Variants in RADIL observed in about 807,000 individuals in gnomAD.
RADIL encodes Rap associating with DIL domain, also known as ras-associating and dilute domain-containing protein.
RADIL carries 99 observed loss-of-function variants against 97.6 expected under a neutral mutation model. That is an observed-to-expected ratio of 1.01 (90% CI 0.86 to 1.20). The LOEUF is 1.20. Ranked by LOEUF, RADIL falls within the 50% of genes most tolerant of loss-of-function variation. The pLI, the probability that RADIL is intolerant of heterozygous loss-of-function variation, is 0.00. For synonymous variants in RADIL, 803 were observed against 691.8 expected, an observed-to-expected ratio of 1.16 and a Z score of -2.52; for missense variants, 1,765 against 1,498.9, an observed-to-expected ratio of 1.18 and a Z score of -2.93.
intron 2 of RADIL, among the ~76,000 whole-genome samples, chr7:4,846,117 A>G (rs572417317): frequency 3.2e-4 from 42 of 132,268 alleles, no homozygotes; most frequent in African/African-American, 9.1e-4. Flanking sequence ...CCAGAGCTAC[A>G]ATCTTCTTTT....
At chr7:4,828,753 C>T (rs1783063250) in intron 5 of RADIL, among the ~76,000 whole-genome samples, 1 of 152,142 alleles carries the variant, frequency 6.6e-6, no homozygotes. Context: ...AAGGAAAAGC[C>T]CCCCAGGCAT....
chr7:4,806,245 G>C (rs980062386), intron 9 of RADIL, among the ~76,000 whole-genome samples: 1 of 152,182 alleles, frequency 6.6e-6, no homozygotes, highest in Non-Finnish European at 1.5e-5. Flanking sequence ...GACCTCCCAG[G>C]ATCAAGCGAT....
intron 5 of RADIL, among the ~76,000 whole-genome samples, chr7:4,827,948 T>C (rs982111481): frequency 2.0e-5 from 3 of 150,702 alleles, no homozygotes; most frequent in Admixed American, 1.3e-4. Context: ...TACCGATAAA[T>C]TCAGATGGGA....
At chr7:4,810,189 G>T (rs528529416) in intron 9 of RADIL, among the ~76,000 whole-genome samples, 86 of 147,180 alleles carry the variant, frequency 5.8e-4, no homozygotes, top group Non-Finnish European at 8.2e-4. Context: ...TTTATGACAG[G>T]GTCTTACTCT....
In RADIL at chr7:4,817,767, C is replaced by T. The variant is rs1250175632; in HGVS notation, c.1616-416G>A. Among the ~76,000 whole-genome samples, 1 of 152,230 alleles carries T rather than the reference C, an allele frequency of 6.6e-6. No individual in the cohort carries two copies. Among genetic ancestry groups the T allele is most frequent in the Non-Finnish European group, 1.5e-5 (1 of 68,036 alleles). On this transcript the variant is annotated intron_variant, in intron 6 of 14. Transcript: ENST00000399583. The surrounding 1 kb of genome is among the most constrained non-coding windows in gnomAD (Gnocchi z 8.3). ...TCTGGCAGCAGCCCCTGAGTGGCCG[C>T]CACTCTGTGGAATCATAAGTCTTTT...
chr7:4,839,034 G>A (rs940032176), intron 2 of RADIL, among the ~76,000 whole-genome samples: 4 of 152,216 alleles, frequency 2.6e-5, no homozygotes, highest in Admixed American at 2.0e-4. Flanking sequence ...ACAGGGAGCC[G>A]CCATGCACGG....
chr7:4,835,847 C>A lies in RADIL; in HGVS notation c.783+511G>T, dbSNP rs1357650562. Among the ~76,000 whole-genome samples the A allele has an allele frequency of 3.9e-5, 6 of 152,358 alleles. No individual in the cohort carries two copies. The East Asian group carries it at 9.6e-4, about 24-fold the overall frequency. The stretch of plus-strand genomic sequence containing the variant: ...CAAGGTGAGGCGAGGTGGCCCTGCG[C>A]CTGGCATTTGCTCGGGGCGACAGCC... On this transcript the variant is annotated intron_variant, in intron 3 of 14. Coordinates refer to ENST00000399583, the MANE Select transcript of RADIL (RefSeq NM_018059.5). This position sits in a 1 kb window ranked among gnomAD's most constrained non-coding sequence, Gnocchi z 5.8.
chr7:4,812,198 C>T lies in RADIL; in HGVS notation c.2139+3080G>A, dbSNP rs751012591. The stretch of plus-strand genomic sequence containing the variant: ...ACCTGGCCTTTCAGTTTCTCTAAAG[C>T]ATGCAGGACCATTCAGATTTTTAAC... On this transcript the variant is annotated intron_variant, in intron 9 of 14. Transcript: ENST00000399583. Among the ~76,000 whole-genome samples, 207 of 152,250 alleles carry T rather than the reference C, an allele frequency of 1.4e-3. 4 individuals are homozygous for T. Among genetic ancestry groups the T allele is most frequent in the South Asian group, 4.1e-4 (2 of 4,824 alleles).
intron 9 of RADIL, among the ~76,000 whole-genome samples, chr7:4,812,321 C>T (rs897795366): frequency 6.6e-6 from 1 of 152,210 alleles, no homozygotes; most frequent in African/African-American, 2.4e-5. Context: ...ATGATCTCCT[C>T]TTACTACTAA....
intron 2 of RADIL, among the ~76,000 whole-genome samples, chr7:4,856,938 CCG>C (rs1783847369): frequency 1.3e-5 from 2 of 152,218 alleles, no homozygotes; most frequent in African/African-American, 2.4e-5. Context: ...GTGACAGAGA[CCG>C]GATGGCTTCA....
chr7:4,877,770 G>A lies in RADIL; in HGVS notation c.370C>T (p.Gln124Ter). 1 of 1,612,900 alleles carries A rather than the reference G, an allele frequency of 6.2e-7. No homozygotes were observed. The highest frequency in any genetic ancestry group is 8.5e-7 in the Non-Finnish European group (1 of 1,180,004). Residue 124 changes from glutamine to a stop codon, truncating the protein, a stop_gained, in exon 2 of 15, where the codon CAG (glutamine) becomes TAG (stop). Transcript: ENST00000399583. LOFTEE classifies it high-confidence loss of function. ...CGAAAGCACCGGGCCTGCCACCGCTGCCCAGCATCGCCGGCTTGGCCCACC... is the reference window on the plus strand; with the variant it reads ...CGAAAGCACCGGGCCTGCCACCGCTACCCAGCATCGCCGGCTTGGCCCACC... ...DVVGQAGDAGQRWQARCFRVF... is the reference protein window; with the variant it reads ...DVVGQAGDAG
At chr7:4,823,387 C>G (rs1782888941) in intron 5 of RADIL, among the ~76,000 whole-genome samples, 1 of 137,416 alleles carries the variant, frequency 7.3e-6, no homozygotes, top group Admixed American at 7.8e-5. Flanking sequence ...CCAGGCTGCT[C>G]TTGAACTCCT....
At chr7:4,804,019 C>A (rs1358006566) in intron 10 of RADIL, 3 of 531,148 alleles carry the variant, frequency 5.6e-6, no homozygotes, top group Non-Finnish European at 1.1e-5. Context: ...AACCCTCCAG[C>A]CCCACTGAGC....
At chr7:4,865,404 T>C (rs1056922608) in intron 2 of RADIL, 3 of 644,120 alleles carry the variant, frequency 4.7e-6, no homozygotes, top group Admixed American at 2.7e-5. Flanking sequence ...CAAGAACTCA[T>C]ACAAAATATT....
At chr7:4,832,733 C>T (rs1783181584) in intron 4 of RADIL, among the ~76,000 whole-genome samples, 3 of 134,460 alleles carry the variant, frequency 2.2e-5, no homozygotes, top group Admixed American at 7.8e-5. Context: ...AGCGAGACTC[C>T]GTCTCAGCAA....
rs1024660914 is a variant in RADIL at position 4,831,225 on chromosome 7, T to C, written c.1454+916A>G. Among the ~76,000 whole-genome samples, 36 of 148,842 alleles carry C rather than the reference T, an allele frequency of 2.4e-4. 1 individual carries two copies. Among genetic ancestry groups the C allele is most frequent in the African/African-American group, 8.4e-4 (34 of 40,644 alleles). On this transcript the variant is annotated intron_variant, in intron 5 of 14. Coordinates refer to ENST00000399583, the MANE Select transcript of RADIL (RefSeq NM_018059.5). Reference sequence around the variant, plus strand: ...AAAAAAAAAAAAAAGCACGAGATCATGTCCTTTGCAGGGACATGGATGGAG... The same window carrying C: ...AAAAAAAAAAAAAAGCACGAGATCACGTCCTTTGCAGGGACATGGATGGAG...
At position 4,800,448 on chromosome 7, in the gene RADIL, G is replaced by T. The variant is rs550988074; in HGVS notation, c.2843-138C>A. 7 of 973,870 alleles carry T rather than the reference G, an allele frequency of 7.2e-6. No individual in the cohort carries two copies. In the South Asian group the frequency reaches 1.4e-4, roughly 19 times the overall value. 60.3% of individuals were successfully genotyped at this position (973,870 alleles called of 1,614,324 possible). On this transcript the variant is annotated intron_variant, in intron 12 of 14. Coordinates refer to ENST00000399583, the MANE Select transcript of RADIL (RefSeq NM_018059.5). ...TGTGGCTCCCAGGAGACGCTGTTCA[G>T]GCAGAATGTGACCGGCAACCCAGAC... is the stretch of plus-strand genomic sequence containing the variant.
chr7:4,875,193 AAC>A (rs1562460598), intron 2 of RADIL, among the ~76,000 whole-genome samples: 4,754 of 12,868 alleles, frequency 0.37, 462 homozygotes, highest in East Asian at 0.46. Context: ...CTCCATCTCC[AAC>A]AACAACAACA....
rs1784404129 is a variant in RADIL, at chr7:4,877,734, C to A, written c.406G>T (p.Asp136Tyr). 1 of 1,613,988 alleles carries A rather than the reference C, an allele frequency of 6.2e-7. No homozygotes were observed. The highest frequency in any genetic ancestry group is 8.5e-7 in the Non-Finnish European group (1 of 1,180,044). ...WQARCFRVFGDSEKPLLIQEL... is the reference protein window; with the variant it reads ...WQARCFRVFGYSEKPLLIQEL... ...TGGATCAAGAGGGGCTTCTCACTGT[C>A]CCCAAACACCCGAAAGCACCGGGCC... is the stretch of plus-strand genomic sequence containing the variant. The change falls in exon 2 of 15, where the codon GAC (aspartate) becomes TAC (tyrosine). Residue 136 changes from aspartate to tyrosine, a missense_variant. By Grantham distance (160) the Asp-to-Tyr change is radical (BLOSUM62 -3). Coordinates refer to ENST00000399583, the MANE Select transcript of RADIL (RefSeq NM_018059.5).
Sources: allele counts gnomAD v4.1 joint callset (sites outside exome capture counted in the v4.1 genomes callset), GRCh38; gene constraint gnomAD v4.1.1; non-coding constraint Gnocchi (gnomAD v3.1); transcripts MANE v1.5; gene names NCBI Gene and HGNC (gene_info 2026-07-23, HGNC 2026-07-21).